Variants in AATF observed in about 807,000 individuals in gnomAD.
The protein encoded by AATF is protein AATF.
A neutral mutation model predicts 63.7 loss-of-function variants in AATF; 48 were observed. The observed-to-expected ratio is 0.75, with a 90% CI of 0.60 to 0.96. AATF has a LOEUF of 0.96. Among genes scored for constraint, AATF ranks in the 40% least tolerant of loss-of-function variants. The pLI is 0.00. For missense variants in AATF, 639 were observed against 685.7 expected (o/e 0.93, Z 0.76); for synonymous variants, 258 against 247.7 (o/e 1.04, Z -0.39).
chr17:37,053,197 A>C (rs2071768316), intron 11 of AATF, among the ~76,000 whole-genome samples: 1 of 152,138 alleles, frequency 6.6e-6, no homozygotes, highest in South Asian at 2.1e-4. Flanking sequence ...GAACAAATGG[A>C]GGGAAAAGCC....
intron 4 of AATF, among the ~76,000 whole-genome samples, chr17:36,968,986 G>T (rs9892326): frequency 0.089 from 13,487 of 151,776 alleles, 1,863 homozygotes; most frequent in African/African-American, 0.3. Context: ...TGCTTTTTTT[G>T]TTGTTGTTTT....
chr17:37,014,565 G>GT (rs756228938), intron 8 of AATF, among the ~76,000 whole-genome samples: 1 of 152,098 alleles, frequency 6.6e-6, no homozygotes, highest in African/African-American at 2.4e-5. Context: ...TATGTAACCT[G>GT]TTTTTTCTTT....
intron 4 of AATF, among the ~76,000 whole-genome samples, chr17:36,983,547 C>T (rs1318478880): frequency 6.6e-6 from 1 of 151,906 alleles, no homozygotes; most frequent in Non-Finnish European, 1.5e-5. Context: ...GACAGGGTTT[C>T]ACCATGTTGG....
chr17:37,038,813 G>A (rs981657486), intron 11 of AATF, among the ~76,000 whole-genome samples: 1 of 152,088 alleles, frequency 6.6e-6, no homozygotes, highest in African/African-American at 2.4e-5. Flanking sequence ...AGAACAAGGA[G>A]AGGATCCTTT....
At chr17:37,017,420 C>G (rs1004027018) in intron 8 of AATF, among the ~76,000 whole-genome samples, 4 of 152,226 alleles carry the variant, frequency 2.6e-5, no homozygotes, top group South Asian at 2.1e-4. Context: ...TTCTGCTTAG[C>G]CTTAAGGGCA....
Position 37,036,112 on chromosome 17 carries a change from A to G in AATF, c.1619+4427A>G, listed in dbSNP as rs944052455. Among the ~76,000 whole-genome samples, 8 of 152,326 alleles carry G rather than the reference A, an allele frequency of 5.3e-5. No homozygotes were observed. In the East Asian group the frequency reaches 1.4e-3, roughly 26 times the overall value. ...ACTAATTTTAATTGTGGTAAAATAC[A>G]TGAAACAAAATGTTCTGCCCTTTTG... On this transcript the variant is annotated intron_variant, in intron 11 of 11. Coordinates refer to ENST00000619387, the MANE Select transcript of AATF (RefSeq NM_012138.4).
At chr17:37,004,370 G>C (rs191671713) in intron 8 of AATF, among the ~76,000 whole-genome samples, 5 of 152,264 alleles carry the variant, frequency 3.3e-5, no homozygotes, top group Admixed American at 3.3e-4. Context: ...TGGAGACAGT[G>C]AGTATAGACA....
intron 4 of AATF, among the ~76,000 whole-genome samples, chr17:36,971,921 C>G (rs2071042253): frequency 6.6e-6 from 1 of 152,136 alleles, no homozygotes; most frequent in Non-Finnish European, 1.5e-5. Flanking sequence ...AGAGGCAGCC[C>G]AGCTTTCTTC....
At chr17:37,023,243 TTAAA>T (rs1462055975) in intron 10 of AATF, among the ~76,000 whole-genome samples, 1 of 152,200 alleles carries the variant, frequency 6.6e-6, no homozygotes, top group Non-Finnish European at 1.5e-5. Flanking sequence ...GGTATGGGAA[TTAAA>T]TGAAATCATG....
At position 37,056,433 on chromosome 17, in the gene AATF, T is replaced by A. The variant is rs2071798678; in HGVS notation, c.1620-168T>A. ...ACATATTTTACTGTTTGATTGGGTT[T>A]CTTCCTTCTGTTGTATTTGTGAGTA... On this transcript the variant is annotated intron_variant, in intron 11 of 11. Transcript: ENST00000619387. The A allele has an allele frequency of 6.2e-6, 4 of 646,242 alleles. No homozygotes were observed. The South Asian group carries it at 8.2e-5, about 13-fold the overall frequency. The allele number at this position is 646,242 out of a possible 1,614,324, so 40.0% of individuals were successfully genotyped here.
intron 8 of AATF, among the ~76,000 whole-genome samples, chr17:37,007,180 C>CT (rs971885650): frequency 7.9e-5 from 12 of 151,920 alleles, no homozygotes; most frequent in Admixed American, 5.9e-4. Flanking sequence ...TGCTACTTGA[C>CT]TCTTTGATTT....
At chr17:36,989,477 C>T in intron 7 of AATF, 66 bp downstream of exon 7, 1 of 1,466,988 alleles carries the variant, frequency 6.8e-7, no homozygotes. Context: ...AGCTGAAAAA[C>T]TTGTAGCTAT....
Position 37,032,247 on chromosome 17 carries a change from C to T in AATF, c.1619+562C>T, listed in dbSNP as rs532557135. ...ATTCTATAATGAAGAGCTTCCTCTTCTCCCTCATTTATTTACCATTTATTT... is the reference window on the plus strand; with the variant it reads ...ATTCTATAATGAAGAGCTTCCTCTTTTCCCTCATTTATTTACCATTTATTT... On this transcript the variant is annotated intron_variant, in intron 11 of 11. Transcript: ENST00000619387. Among the ~76,000 whole-genome samples the T allele has an allele frequency of 5.9e-5, 9 of 152,226 alleles. No individual in the cohort carries two copies. In the South Asian group the frequency reaches 1.0e-3, roughly 18 times the overall value.
chr17:37,019,055 T>C lies in AATF; in HGVS notation c.1449T>C (p.Asp483=), dbSNP rs757388410. 6 of 1,614,000 alleles carry C rather than the reference T, an allele frequency of 3.7e-6. No individual in the cohort carries two copies. The East Asian group carries it at 1.3e-4, about 36-fold the overall frequency. The change falls in exon 9 of 12, where the codon GAT becomes GAC. Residue 483 remains aspartate, a synonymous_variant. Coordinates refer to ENST00000619387, the MANE Select transcript of AATF (RefSeq NM_012138.4). The stretch of plus-strand genomic sequence containing the variant: ...AGACCAGCTCCTTGGATCCCAACGA[T>C]CAGGTGGCCATGGGAAGGTAATTTA... ...ERKTSSLDPN[D]QVAMGRQWLA... is the part of the protein sequence containing the mutation.
chr17:37,023,456 C>G (rs1347388306), intron 10 of AATF, among the ~76,000 whole-genome samples: 1 of 151,934 alleles, frequency 6.6e-6, no homozygotes, highest in Non-Finnish European at 1.5e-5. Context: ...CAGTGGAGAT[C>G]CCCACATTCT....
At chr17:37,022,828 A>T (rs1346155021) in intron 10 of AATF, among the ~76,000 whole-genome samples, 3 of 152,170 alleles carry the variant, frequency 2.0e-5, no homozygotes, top group African/African-American at 7.2e-5. Flanking sequence ...TGCCATTATT[A>T]CTGTCATTAT....
chr17:36,962,591 TAGAC>T (rs2142214075), intron 4 of AATF, among the ~76,000 whole-genome samples: 2 of 151,522 alleles, frequency 1.3e-5, no homozygotes, highest in South Asian at 4.2e-4. Context: ...GACTGCTCCA[TAGAC>T]AGAGCAGGGC....
At chr17:37,014,814 A>C (rs1248357764) in intron 8 of AATF, among the ~76,000 whole-genome samples, 1 of 152,032 alleles carries the variant, frequency 6.6e-6, no homozygotes, top group Non-Finnish European at 1.5e-5. Flanking sequence ...AAGCAAGGGG[A>C]TATTATCTTT....
chr17:37,005,760 A>G (rs2071336514), intron 8 of AATF, among the ~76,000 whole-genome samples: 1 of 152,204 alleles, frequency 6.6e-6, no homozygotes. Context: ...ACCAATGGGC[A>G]GAATTTTTGA....
Sources: allele counts gnomAD v4.1 joint callset (sites outside exome capture counted in the v4.1 genomes callset), GRCh38; gene constraint gnomAD v4.1.1; transcripts MANE v1.5; gene names NCBI Gene and HGNC (gene_info 2026-07-23, HGNC 2026-07-21).